Variants in SEMA3E observed in about 807,000 individuals in gnomAD.
SEMA3E encodes semaphorin 3E.
SEMA3E carries 49 observed loss-of-function variants against 93.6 expected under a neutral mutation model. The observed-to-expected ratio is 0.52, with a 90% CI of 0.42 to 0.66. The LOEUF (loss-of-function observed/expected upper bound fraction) is 0.66, where lower values mean the gene tolerates loss of function less well. Among genes scored for constraint, SEMA3E ranks in the 30% least tolerant of loss-of-function variants. The pLI, the probability that SEMA3E is intolerant of heterozygous loss-of-function variation, is 0.00. For missense variants in SEMA3E, 906 were observed against 964.8 expected (o/e 0.94, Z 0.81); for synonymous variants, 363 against 330.7 (o/e 1.10, Z -1.06).
chr7:83,407,296 C>T (rs1227299617), intron 6 of SEMA3E, 57 bp from the exon 7 acceptor site: 21 of 1,361,714 alleles, frequency 1.5e-5, no homozygotes, highest in Non-Finnish European at 1.9e-5. Flanking sequence ...TAAATGCTAA[C>T]AAGTTATTCC....
intron 14 of SEMA3E, among the ~76,000 whole-genome samples, chr7:83,388,239 G>A (rs1271178529): frequency 7.4e-5 from 11 of 148,670 alleles, no homozygotes; most frequent in Admixed American, 6.7e-4. Context: ...AAACCGGGAG[G>A]TGAAGGTTCC....
intron 16 of SEMA3E, among the ~76,000 whole-genome samples, chr7:83,384,145 T>C (rs1787834759): frequency 6.6e-6 from 1 of 152,038 alleles, no homozygotes; most frequent in Non-Finnish European, 1.5e-5. Context: ...GATTTACAAA[T>C]TTAATTATCT....
intron 1 of SEMA3E, among the ~76,000 whole-genome samples, chr7:83,622,540 T>C (rs1426388388): frequency 1.1e-4 from 16 of 152,220 alleles, no homozygotes; most frequent in Non-Finnish European, 2.2e-4. Flanking sequence ...CATATGTTCA[T>C]TGCAGCAATA....
chr7:83,586,000 A>G (rs566188048), intron 1 of SEMA3E, among the ~76,000 whole-genome samples: 1 of 152,308 alleles, frequency 6.6e-6, no homozygotes, highest in African/African-American at 2.4e-5. Flanking sequence ...AACTTTGGGT[A>G]GTGGGTTTAA....
rs373193415 is a variant in SEMA3E at position 83,648,360 on chromosome 7, CT to C, written c.115+67del. 1.8e-4 allele frequency: 224 copies of C among 1,212,636 alleles called. 1 individual carries two copies. The highest frequency in any genetic ancestry group is 2.1e-4 in the Middle Eastern group (1 of 4,732). The allele number at this position is 1,212,636 out of a possible 1,614,324, so 75.1% of individuals were successfully genotyped here. A position where few individuals can be genotyped will look rare whatever the true frequency, so the allele number is the denominator to read the frequency against. On this transcript the variant is annotated intron_variant, in intron 1 of 16. Transcript: ENST00000643230. ...ATAAGCCTATGTTAATGTTAAACGA[CT>C]TTTTTTTTCTTTTTTCTTTTTCTTT... is the stretch of plus-strand genomic sequence containing the variant.
At chr7:83,372,586 C>T in intron 16 of SEMA3E, 1 of 245,188 alleles carries the variant, frequency 4.1e-6, no homozygotes, top group Non-Finnish European at 7.7e-6. Flanking sequence ...TTGAGAAACA[C>T]TGTATTATGT....
At chr7:83,524,670 T>G (rs1791117687) in intron 1 of SEMA3E, among the ~76,000 whole-genome samples, 1 of 152,142 alleles carries the variant, frequency 6.6e-6, no homozygotes, top group Non-Finnish European at 1.5e-5. Context: ...TTCTTTCTGA[T>G]CTACTTTTAA....
At position 83,390,104 on chromosome 7, in the gene SEMA3E, T is replaced by C. The variant is rs1393744936; in HGVS notation, c.1667+2451A>G. ...GTGTGCACATATATGCGCGTATACG[T>C]GTGCACATATATGCGCGTATACGTG... On this transcript the variant is annotated intron_variant, in intron 14 of 16. Coordinates refer to ENST00000643230, the MANE Select transcript of SEMA3E (RefSeq NM_012431.3). Among the ~76,000 whole-genome samples the C allele has an allele frequency of 1.3e-3, 138 of 109,000 alleles. 3 individuals carry two copies. Among genetic ancestry groups the C allele is most frequent in the African/African-American group, 2.3e-3 (67 of 28,642 alleles). The allele number at this position is 109,000 out of a possible 152,430, so 71.5% of individuals were successfully genotyped here.
chr7:83,519,593 C>T (rs1791003609), intron 1 of SEMA3E, among the ~76,000 whole-genome samples: 2 of 152,124 alleles, frequency 1.3e-5, no homozygotes, highest in South Asian at 4.1e-4. Context: ...ATACCAAACT[C>T]TAAAACTTTC....
chr7:83,501,107 C>T (rs956234733), intron 1 of SEMA3E, among the ~76,000 whole-genome samples: 9 of 152,236 alleles, frequency 5.9e-5, no homozygotes, highest in African/African-American at 1.9e-4. Flanking sequence ...TTATTTTATA[C>T]ATTTACATCA....
At chr7:83,572,224 T>A (rs1584339157) in intron 1 of SEMA3E, among the ~76,000 whole-genome samples, 1 of 145,866 alleles carries the variant, frequency 6.9e-6, no homozygotes, top group African/African-American at 2.6e-5. Context: ...TAGGAAAAAA[T>A]TCTAAAATTC....
chr7:83,528,360 T>C (rs1045898283), intron 1 of SEMA3E, among the ~76,000 whole-genome samples: 5 of 152,118 alleles, frequency 3.3e-5, no homozygotes, highest in African/African-American at 9.7e-5. Context: ...AATACAATAT[T>C]ATCAGGGATT....
At chr7:83,607,664 C>T (rs1206636751) in intron 1 of SEMA3E, among the ~76,000 whole-genome samples, 1 of 151,944 alleles carries the variant, frequency 6.6e-6, no homozygotes, top group Non-Finnish European at 1.5e-5. Context: ...GGAGCTTCCC[C>T]AAAGAAGAAG....
At chr7:83,406,377 C>T (rs1008615109) in intron 7 of SEMA3E, among the ~76,000 whole-genome samples, 5 of 151,772 alleles carry the variant, frequency 3.3e-5, no homozygotes, top group African/African-American at 1.2e-4. Flanking sequence ...ATGATTATTA[C>T]TTTGTTCATA....
At chr7:83,569,867 C>T (rs2115863966) in intron 1 of SEMA3E, among the ~76,000 whole-genome samples, 1 of 152,254 alleles carries the variant, frequency 6.6e-6, no homozygotes, top group East Asian at 1.9e-4. Context: ...GCTTGACACA[C>T]TGGACCTAAA....
At chr7:83,626,571 A>G (rs1793674915) in intron 1 of SEMA3E, among the ~76,000 whole-genome samples, 1 of 151,996 alleles carries the variant, frequency 6.6e-6, no homozygotes, top group African/African-American at 2.4e-5. Context: ...ATCGTTTTTT[A>G]TCGTGTCAAT....
chr7:83,457,739 A>T (rs1481415873), intron 4 of SEMA3E, among the ~76,000 whole-genome samples: 1 of 152,180 alleles, frequency 6.6e-6, no homozygotes, highest in African/African-American at 2.4e-5. Context: ...TACTCTGTTC[A>T]AAACTCCATC....
At chr7:83,400,867 ATC>A (rs1387514953) in intron 10 of SEMA3E, among the ~76,000 whole-genome samples, 1 of 152,140 alleles carries the variant, frequency 6.6e-6, no homozygotes, top group Non-Finnish European at 1.5e-5. Context: ...AAGAGAAGAA[ATC>A]TCTTCGTTGT....
chr7:83,432,558 G>C (rs942144675), intron 4 of SEMA3E, among the ~76,000 whole-genome samples: 4 of 152,094 alleles, frequency 2.6e-5, no homozygotes, highest in Admixed American at 1.3e-4. Context: ...ACAATGCATT[G>C]TCATTTTACT....
Sources: gnomAD v4.1 joint callset for allele counts (sites outside exome capture counted in the v4.1 genomes callset) on GRCh38, gnomAD v4.1.1 for gene constraint, MANE v1.5 for transcripts, NCBI Gene and HGNC (gene_info 2026-07-23, HGNC 2026-07-21) for gene names.